Variants in NFIB observed in about 807,000 individuals in gnomAD.
NFIB encodes nuclear factor I B, also known as nuclear factor 1 B-type.
In NFIB, 11 loss-of-function variants were observed where a neutral mutation model predicts 61.5. That is an observed-to-expected ratio of 0.18 (90% CI 0.11 to 0.30). The LOEUF (loss-of-function observed/expected upper bound fraction) is 0.30, where lower values mean the gene tolerates loss of function less well. NFIB is among the 10% of genes least tolerant of loss of function. NFIB has a pLI of 1.00. For missense variants in NFIB, 471 were observed against 608.9 expected (o/e 0.77, Z 2.38); for synonymous variants, 260 against 216.5 (o/e 1.20, Z -1.76).
Position 14,255,724 on chromosome 9 carries a change from C to T in NFIB, c.562+51265G>A, listed in dbSNP as rs186585616. ...GAGTGTTTAGACTCTCACAAGGTCACTATAAATAACCTTTTAACAATCCAG... is the reference window on the plus strand; with the variant it reads ...GAGTGTTTAGACTCTCACAAGGTCATTATAAATAACCTTTTAACAATCCAG... On this transcript the variant is annotated intron_variant, in intron 2 of 10. Transcript: ENST00000380953. 4.6e-5 allele frequency among the ~76,000 whole-genome samples: 7 copies of T among 152,286 alleles called. No individual in the cohort carries two copies. In the East Asian group the frequency reaches 1.2e-3, roughly 25 times the overall value.
chr9:14,332,739 G>A (rs1193184311), intron 1 of NFIB, among the ~76,000 whole-genome samples: 1 of 152,224 alleles, frequency 6.6e-6, no homozygotes, highest in Non-Finnish European at 1.5e-5. Context: ...GTGAATGCCT[G>A]CTGTGCCCAG....
At chr9:14,202,997 C>A (rs894677509) in intron 2 of NFIB, among the ~76,000 whole-genome samples, 1 of 152,202 alleles carries the variant, frequency 6.6e-6, no homozygotes, top group African/African-American at 2.4e-5. Context: ...TCTGTAAGAA[C>A]TGTTACTGGG....
chr9:14,306,458 TTATC>T (rs1306645263), intron 2 of NFIB, among the ~76,000 whole-genome samples: 5 of 152,344 alleles, frequency 3.3e-5, no homozygotes, highest in Non-Finnish European at 2.9e-5. Context: ...ACTTTTGATA[TTATC>T]TATCTTAAGC....
chr9:14,313,371 A>G lies in NFIB; in HGVS notation c.30+111T>C. 2 of 1,475,736 alleles carry G rather than the reference A, an allele frequency of 1.4e-6. No homozygotes were observed. The highest frequency in any genetic ancestry group is 1.8e-6 in the Non-Finnish European group (2 of 1,081,772). The allele number at this position is 1,475,736 out of a possible 1,614,324, so 91.4% of individuals were successfully genotyped here. A position where few individuals can be genotyped will look rare whatever the true frequency, so the allele number is the denominator to read the frequency against. ...GCTGCAACTCCGGGCCACTTCTCCA[A>G]GGGACGGGGATGTGCGGAGGTTAAC... On this transcript the variant is annotated intron_variant, in intron 1 of 10. Coordinates refer to ENST00000380953, the MANE Select transcript of NFIB (RefSeq NM_001190737.2). This position sits in a 1 kb window ranked among gnomAD's most constrained non-coding sequence, Gnocchi z 4.5.
chr9:14,281,840 C>G (rs982959158), intron 2 of NFIB, among the ~76,000 whole-genome samples: 1 of 150,992 alleles, frequency 6.6e-6, no homozygotes, highest in African/African-American at 2.5e-5. Flanking sequence ...CACGTGCACA[C>G]CCCACACGTG....
At chr9:14,340,705 C>G (rs1178095720) in intron 1 of NFIB, among the ~76,000 whole-genome samples, 1 of 152,210 alleles carries the variant, frequency 6.6e-6, no homozygotes, top group East Asian at 1.9e-4. Flanking sequence ...ACATTGCCAG[C>G]TCAGAATGAT....
chr9:14,181,609 T>C (rs1371201505), intron 2 of NFIB, among the ~76,000 whole-genome samples: 6 of 152,218 alleles, frequency 3.9e-5, no homozygotes, highest in African/African-American at 1.4e-4. Context: ...ATCATAACTT[T>C]TTGCTATAGC....
intron 1 of NFIB, among the ~76,000 whole-genome samples, chr9:14,341,409 A>G (rs937530175): frequency 6.6e-6 from 1 of 152,180 alleles, no homozygotes; most frequent in African/African-American, 2.4e-5. Flanking sequence ...ATGCCCAAGG[A>G]GGGAGAAAGA....
chr9:14,123,824 A>G (rs1455950653), intron 7 of NFIB, among the ~76,000 whole-genome samples: 4 of 149,346 alleles, frequency 2.7e-5, no homozygotes, highest in African/African-American at 1.0e-4. Context: ...TCTTCCTCCT[A>G]GTTTGCCCCT....
At chr9:14,464,748 G>C in the NFIB span, among the ~76,000 whole-genome samples, 1 of 152,242 alleles carries the variant, frequency 6.6e-6, no homozygotes, top group Non-Finnish European at 1.5e-5. Flanking sequence ...CAGTGGGACG[G>C]TCAGCATGCT....
At chr9:14,422,059 C>T in the NFIB span, among the ~76,000 whole-genome samples, 2 of 152,086 alleles carry the variant, frequency 1.3e-5, no homozygotes, top group African/African-American at 4.8e-5. Context: ...TATATTCCCA[C>T]TAATATAATC....
intron 6 of NFIB, among the ~76,000 whole-genome samples, chr9:14,127,432 C>T (rs2039814831): frequency 6.6e-6 from 1 of 152,224 alleles, no homozygotes; most frequent in Admixed American, 6.5e-5. Context: ...CAATGATCAA[C>T]TCATAACAAA....
In NFIB at chr9:14,393,206, T is replaced by G. The variant is rs1468735980; in HGVS notation, c.108+5318A>C. 2.6e-5 allele frequency among the ~76,000 whole-genome samples: 4 copies of G among 152,104 alleles called. No individual in the cohort carries two copies. The South Asian group carries it at 8.3e-4, about 32-fold the overall frequency. On this transcript the variant is annotated intron_variant, in intron 1 of 8. Transcript: ENST00000380934. ...GTCTCCTTAGCCAACAAATTTAATT[T>G]GTAGTCATATGATCAGAAATGTGCT...
At chr9:14,112,938 A>G in intron 10 of NFIB, 61 bp downstream of exon 10, 1 of 1,495,136 alleles carries the variant, frequency 6.7e-7, no homozygotes, top group Non-Finnish European at 9.1e-7. Flanking sequence ...GAGAGGCAAC[A>G]TGGAGAAGCA....
chr9:14,428,770 T>A, the NFIB span, among the ~76,000 whole-genome samples: 1 of 152,146 alleles, frequency 6.6e-6, no homozygotes, highest in African/African-American at 2.4e-5. Flanking sequence ...TTCCCCCAGA[T>A]TGCAGGTGGA....
chr9:14,379,464 G>A (rs930878650), intron 1 of NFIB, among the ~76,000 whole-genome samples: 3 of 152,144 alleles, frequency 2.0e-5, no homozygotes, highest in African/African-American at 7.2e-5. Context: ...TGTAAGATCC[G>A]AATGCAGGTG....
chr9:14,518,221 T>C, the NFIB span, among the ~76,000 whole-genome samples: 2 of 152,236 alleles, frequency 1.3e-5, no homozygotes, highest in South Asian at 2.1e-4. Context: ...CTATAGAGGC[T>C]AGCGACTTCT....
rs73645035 is a variant in NFIB at position 14,275,305 on chromosome 9, A to C, written c.562+31684T>G. ...AATATCTTTGTGTTCAACTAAAGTC[A>C]ACTTCTTCTTTATCAGCCAACATTC... On this transcript the variant is annotated intron_variant, in intron 2 of 10. Coordinates refer to ENST00000380953, the MANE Select transcript of NFIB (RefSeq NM_001190737.2). Among the ~76,000 whole-genome samples, 661 of 152,270 alleles carry C rather than the reference A, an allele frequency of 4.3e-3. 2 individuals are homozygous for C. Among genetic ancestry groups the C allele is most frequent in the African/African-American group, 0.015 (623 of 41,560 alleles).
At chr9:14,385,236 T>G (rs1282696754) in intron 1 of NFIB, among the ~76,000 whole-genome samples, 1 of 152,176 alleles carries the variant, frequency 6.6e-6, no homozygotes, top group African/African-American at 2.4e-5. Context: ...TCAGAGAGGC[T>G]AAGGAACTTA....
Sources: allele counts gnomAD v4.1 joint callset (sites outside exome capture counted in the v4.1 genomes callset), GRCh38; gene constraint gnomAD v4.1.1; non-coding constraint Gnocchi (gnomAD v3.1); transcripts MANE v1.5; gene names NCBI Gene and HGNC (gene_info 2026-07-23, HGNC 2026-07-21).